The following TMEM272 variants were observed in gnomAD, a reference collection of about 807,000 sequenced individuals.
TMEM272 encodes long intergenic non-protein coding RNA 282.
TMEM272 carries 8 observed loss-of-function variants against 3.7 expected under a neutral mutation model. The ratio of observed to expected loss-of-function variants is 2.17; its 90% confidence interval spans 1.27 to 3.91. The LOEUF is 3.91. TMEM272 is among the 30% of genes most tolerant of loss of function. TMEM272 has a pLI of 0.00. For missense variants in TMEM272, 166 were observed against 91.5 expected (o/e 1.81, Z -3.32); for synonymous variants, 63 against 39.8 (o/e 1.58, Z -2.20).
the TMEM272 span, among the ~76,000 whole-genome samples, chr13:51,898,210 C>T: frequency 2.0e-3 from 265 of 132,668 alleles, no homozygotes; most frequent in Middle Eastern, 7.1e-3. Flanking sequence ...GAGCGAGACT[C>T]CATCTCAAAA....
At chr13:51,930,064 C>G in the TMEM272 span, among the ~76,000 whole-genome samples, 1 of 152,188 alleles carries the variant, frequency 6.6e-6, no homozygotes, top group Non-Finnish European at 1.5e-5. Flanking sequence ...CCACAAAGGA[C>G]ATCCCTCCAT....
At chr13:51,916,866 CGT>C in the TMEM272 span, among the ~76,000 whole-genome samples, 1 of 152,220 alleles carries the variant, frequency 6.6e-6, no homozygotes, top group South Asian at 2.1e-4. Flanking sequence ...TCCTCCACCC[CGT>C]GAGCATTCCC....
In TMEM272 at chr13:51,826,479, A is replaced by G. The variant is rs79712805; in HGVS notation, c.118+87T>C. 1.7e-3 allele frequency: 1,156 copies of G among 688,900 alleles called. 8 individuals are homozygous for G. In the African/African-American group the frequency reaches 0.018, roughly 11 times the overall value. The allele number at this position is 688,900 out of a possible 1,614,324, so 42.7% of individuals were successfully genotyped here. A position where few individuals can be genotyped will look rare whatever the true frequency, so the allele number is the denominator to read the frequency against. ...GGGCTGGCCAGTTCTTCTTAAACAC[A>G]TATTTAATGTTTAAAGATTACATGC... On this transcript the variant is annotated intron_variant, in intron 3 of 4. Coordinates refer to ENST00000629372, the MANE Select transcript of TMEM272 (RefSeq NM_001351003.2).
At chr13:51,871,000 G>A in the TMEM272 span, among the ~76,000 whole-genome samples, 1 of 151,984 alleles carries the variant, frequency 6.6e-6, no homozygotes, top group African/African-American at 2.4e-5. Context: ...AAATAAAATT[G>A]TACATTATGT....
the TMEM272 span, among the ~76,000 whole-genome samples, chr13:51,923,123 G>A: frequency 3.5e-4 from 54 of 152,318 alleles, no homozygotes; most frequent in East Asian, 8.5e-3. Context: ...GTAACCTCAC[G>A]TGGAGCTGGC....
chr13:51,817,101 A>G lies in TMEM272; in HGVS notation c.214T>C (p.Leu72=), dbSNP rs1449163474. 1 of 701,724 alleles carries G rather than the reference A, an allele frequency of 1.4e-6. No individual in the cohort carries two copies. The highest frequency in any genetic ancestry group is 2.6e-6 in the Non-Finnish European group (1 of 384,016). The allele number at this position is 701,724 out of a possible 1,614,324, so 43.5% of individuals were successfully genotyped here. ...CGCCTCATCCTGGTGGAGTCGTACA[A>G]CAGGAGAGACACCTGGGGCGTGGTG... ...IVGTLKVSLL[L]YDSTRMRRLL... Residue 72 remains leucine (L), a synonymous_variant, in exon 5 of 5, where the codon TTG becomes CTG. Coordinates refer to ENST00000629372, the MANE Select transcript of TMEM272 (RefSeq NM_001351003.2).
rs969558960 is a variant in TMEM272 at position 51,838,541 on chromosome 13, C to T, written c.-11G>A. ...CAGACCTCCTGGCATTGTTCTTGCT[C>T]GCTGACAAAGTTCTGAGGATCAAAA... On this transcript the variant is annotated 5_prime_UTR_variant, in exon 2 of 5. Transcript: ENST00000629372. 2.3e-4 allele frequency: 164 copies of T among 702,928 alleles called. No homozygotes were observed. In the Admixed American group the frequency reaches 2.9e-3, roughly 12 times the overall value. 43.5% of individuals were successfully genotyped at this position (702,928 alleles called of 1,614,324 possible).
At chr13:51,824,611 C>T (rs1956107725) in intron 3 of TMEM272, among the ~76,000 whole-genome samples, 2 of 152,128 alleles carry the variant, frequency 1.3e-5, no homozygotes. Flanking sequence ...GGTCTTGTCT[C>T]TTTTATGCAG....
At chr13:51,865,175 C>G in the TMEM272 span, among the ~76,000 whole-genome samples, 2 of 152,338 alleles carry the variant, frequency 1.3e-5, no homozygotes, top group Admixed American at 1.3e-4. Context: ...AAGCCATGAC[C>G]ACCCCACATG....
chr13:51,854,158 T>G, the TMEM272 span, among the ~76,000 whole-genome samples: 1 of 152,294 alleles, frequency 6.6e-6, no homozygotes, highest in African/African-American at 2.4e-5. Context: ...GTGAGCTCGC[T>G]GATGTTAAGT....
the TMEM272 span, among the ~76,000 whole-genome samples, chr13:51,861,805 G>C: frequency 6.6e-6 from 1 of 152,284 alleles, no homozygotes; most frequent in East Asian, 1.9e-4. Context: ...ACACATCATA[G>C]TCAAACTATC....
intron 4 of TMEM272, among the ~76,000 whole-genome samples, chr13:51,818,516 A>G (rs1411378152): frequency 6.6e-6 from 1 of 152,166 alleles, no homozygotes. Context: ...TGACTCTGGG[A>G]ATGGATGTTG....
the TMEM272 span, among the ~76,000 whole-genome samples, chr13:51,920,216 G>A: frequency 2.5e-4 from 38 of 151,624 alleles, no homozygotes; most frequent in African/African-American, 7.0e-4. Context: ...CTCCTGAAAC[G>A]GGTCTGATAA....
At chr13:51,855,970 C>T in the TMEM272 span, among the ~76,000 whole-genome samples, 1 of 152,174 alleles carries the variant, frequency 6.6e-6, no homozygotes, top group Admixed American at 6.5e-5. Context: ...TTCACTGAGA[C>T]CACAGCATTG....
the TMEM272 span, among the ~76,000 whole-genome samples, chr13:51,867,846 T>G: frequency 6.6e-6 from 1 of 152,042 alleles, no homozygotes; most frequent in South Asian, 2.1e-4. Flanking sequence ...GGGCCCACAC[T>G]CAAGACCTGG....
chr13:51,866,302 G>C, the TMEM272 span: 1 of 485,836 alleles, frequency 2.1e-6, no homozygotes, highest in Non-Finnish European at 3.7e-6. Context: ...TCCCACCTCT[G>C]GGCCACAGAG....
rs1956235786 is a variant in TMEM272 at position 51,838,617 on chromosome 13, A to G, written c.-23-64T>C. 9 of 702,542 alleles carry G rather than the reference A, an allele frequency of 1.3e-5. No homozygotes were observed. The Admixed American group carries it at 1.8e-4, about 14-fold the overall frequency. 43.5% of individuals were successfully genotyped at this position (702,542 alleles called of 1,614,324 possible). The stretch of plus-strand genomic sequence containing the variant: ...AGGATTTACTCAGCACCAATAACCA[A>G]CCCTCTCTGTGCATGTCAGTGGTGG... On this transcript the variant is annotated intron_variant, in intron 1 of 4. Transcript: ENST00000629372.
At chr13:51,863,624 C>A in the TMEM272 span, among the ~76,000 whole-genome samples, 2 of 151,690 alleles carry the variant, frequency 1.3e-5, no homozygotes, top group African/African-American at 4.9e-5. Context: ...GTGATGCCAC[C>A]AGCTGTCCAC....
chr13:51,860,735 GTGTGTATATATATATATACACACACACA>G, the TMEM272 span, among the ~76,000 whole-genome samples: 18 of 10,948 alleles, frequency 1.6e-3, no homozygotes, highest in African/African-American at 6.2e-3. Flanking sequence ...ATATATGTGT[GTGTGTATATATATATATACACACACACA>G]CACTTTGTAT....
Sources: gnomAD v4.1 joint callset for allele counts (sites outside exome capture counted in the v4.1 genomes callset) on GRCh38, gnomAD v4.1.1 for gene constraint, MANE v1.5 for transcripts, NCBI Gene and HGNC (gene_info 2026-07-23, HGNC 2026-07-21) for gene names.